Variants in ROBO1 observed in about 807,000 individuals in gnomAD.
The protein encoded by ROBO1 is roundabout guidance receptor 1.
In ROBO1, 149 loss-of-function variants were observed where a neutral mutation model predicts 195.9. The ratio of observed to expected loss-of-function variants is 0.76; its 90% CI spans 0.67 to 0.87. The LOEUF is 0.87. Ranked by LOEUF, ROBO1 falls within the 40% of genes least tolerant of loss-of-function variation. The probability of loss-of-function intolerance (pLI) is 0.00; values close to 1 mark genes in which losing one functional copy is unlikely to be tolerated. For synonymous variants in ROBO1, 816 were observed against 733.2 expected, an observed-to-expected ratio of 1.11 and a Z score of -1.82; for missense variants, 1,933 against 2,068.3, an observed-to-expected ratio of 0.93 and a Z score of 1.27.
At chr3:78,836,658 C>G (rs1186126978) in intron 4 of ROBO1, among the ~76,000 whole-genome samples, 1 of 151,956 alleles carries the variant, frequency 6.6e-6, no homozygotes, top group African/African-American at 2.4e-5. Context: ...AGAACAACAA[C>G]CATTTACTTT....
chr3:78,764,982 AT>A, intron 4 of ROBO1, among the ~76,000 whole-genome samples: 1 of 152,288 alleles, frequency 6.6e-6, no homozygotes, highest in African/African-American at 2.4e-5. Flanking sequence ...TATAGTCGTG[AT>A]TTTGATTCAA....
intron 2 of ROBO1, among the ~76,000 whole-genome samples, chr3:79,297,997 T>A (rs184833505): frequency 1.3e-5 from 2 of 152,274 alleles, no homozygotes; most frequent in Non-Finnish European, 2.9e-5. Flanking sequence ...GAAAGTTCAA[T>A]GTCTGGGACT....
At chr3:79,502,615 C>T (rs1366547613) in intron 2 of ROBO1, among the ~76,000 whole-genome samples, 1 of 152,168 alleles carries the variant, frequency 6.6e-6, no homozygotes, top group African/African-American at 2.4e-5. Flanking sequence ...AGGCGCACAG[C>T]GCGGGACTGG....
chr3:78,633,096 A>G (rs1283801815), intron 24 of ROBO1, among the ~76,000 whole-genome samples: 1 of 152,174 alleles, frequency 6.6e-6, no homozygotes, highest in Non-Finnish European at 1.5e-5. Flanking sequence ...TTCATTACAG[A>G]AGAAGGGTGG....
intron 2 of ROBO1, among the ~76,000 whole-genome samples, chr3:79,583,504 A>G (rs1188091799): frequency 2.0e-5 from 3 of 151,920 alleles, no homozygotes; most frequent in Non-Finnish European, 2.9e-5. Context: ...AAATATCTGA[A>G]AAAGATATTT....
chr3:79,737,222 T>C (rs1223221344), intron 1 of ROBO1, among the ~76,000 whole-genome samples: 1 of 152,104 alleles, frequency 6.6e-6, no homozygotes, highest in Non-Finnish European at 1.5e-5. Context: ...GATAGAGAAG[T>C]TCAGACAAGC....
chr3:79,469,332 T>C (rs532864750), intron 2 of ROBO1, among the ~76,000 whole-genome samples: 1 of 152,200 alleles, frequency 6.6e-6, no homozygotes, highest in Admixed American at 6.5e-5. Context: ...TAAACTGAAA[T>C]AATGAGAAGT....
At chr3:79,315,083 G>A (rs2033674060) in intron 2 of ROBO1, among the ~76,000 whole-genome samples, 1 of 152,112 alleles carries the variant, frequency 6.6e-6, no homozygotes, top group Non-Finnish European at 1.5e-5. Context: ...TTCTAATCTG[G>A]GAATGATGGA....
chr3:78,691,442 T>TA (rs987798759), intron 8 of ROBO1, among the ~76,000 whole-genome samples: 1 of 152,100 alleles, frequency 6.6e-6, no homozygotes, highest in African/African-American at 2.4e-5. Context: ...TCATACTATT[T>TA]AAAAAAATTC....
chr3:79,496,537 C>G (rs1389806629), intron 2 of ROBO1, among the ~76,000 whole-genome samples: 1 of 147,976 alleles, frequency 6.8e-6, no homozygotes. Flanking sequence ...GCGCCCGCCA[C>G]CGCGCCCGGC....
chr3:79,448,999 G>A (rs2039359365), intron 2 of ROBO1, among the ~76,000 whole-genome samples: 1 of 152,142 alleles, frequency 6.6e-6, no homozygotes, highest in Admixed American at 6.5e-5. Context: ...AAAGGCTGAA[G>A]CAGGAGGATC....
At chr3:78,961,488 T>G (rs1183619423) in intron 3 of ROBO1, among the ~76,000 whole-genome samples, 1 of 152,236 alleles carries the variant, frequency 6.6e-6, no homozygotes, top group African/African-American at 2.4e-5. Flanking sequence ...TTATCTTGAA[T>G]GTCAGGTTAG....
At chr3:79,051,880 C>A (rs2084381) in intron 3 of ROBO1, among the ~76,000 whole-genome samples, 1 of 152,108 alleles carries the variant, frequency 6.6e-6, no homozygotes, top group Non-Finnish European at 1.5e-5. Flanking sequence ...TTCCTATTCC[C>A]GTCTTTACTT....
intron 3 of ROBO1, among the ~76,000 whole-genome samples, chr3:78,943,772 G>C (rs1180239926): frequency 2.6e-5 from 4 of 152,124 alleles, no homozygotes; most frequent in African/African-American, 9.7e-5. Context: ...TTAATAATTT[G>C]AGGAGAATGA....
intron 14 of ROBO1, among the ~76,000 whole-genome samples, chr3:78,663,160 G>C (rs1461291372): frequency 6.6e-6 from 1 of 151,082 alleles, no homozygotes; most frequent in Non-Finnish European, 1.5e-5. Flanking sequence ...ATCTTGGGTA[G>C]AAAGCAAAAG....
At chr3:78,681,949 C>T (rs751268126) in intron 10 of ROBO1, among the ~76,000 whole-genome samples, 1 of 152,080 alleles carries the variant, frequency 6.6e-6, no homozygotes, top group Non-Finnish European at 1.5e-5. Flanking sequence ...GTGAGCAACA[C>T]AGTATTCAGA....
intron 3 of ROBO1, among the ~76,000 whole-genome samples, chr3:79,081,715 G>T (rs1342431315): frequency 6.6e-6 from 1 of 152,124 alleles, no homozygotes. Context: ...AAACTGCCTG[G>T]CTAAAGTTTC....
intron 21 of ROBO1, among the ~76,000 whole-genome samples, chr3:78,644,444 A>G (rs189184898): frequency 1.4e-3 from 206 of 152,258 alleles, no homozygotes; most frequent in African/African-American, 4.6e-3. Context: ...AATTTTGTAT[A>G]TAACTGACAT....
At chr3:78,743,412 C>G (rs1461938139) in intron 5 of ROBO1, among the ~76,000 whole-genome samples, 1 of 152,090 alleles carries the variant, frequency 6.6e-6, no homozygotes, top group East Asian at 1.9e-4. Flanking sequence ...GCCCTTCTAA[C>G]TCTCCTCCTT....
Sources: gnomAD v4.1 joint callset for allele counts (sites outside exome capture counted in the v4.1 genomes callset) on GRCh38, gnomAD v4.1.1 for gene constraint, MANE v1.5 for transcripts, NCBI Gene and HGNC (gene_info 2026-07-23, HGNC 2026-07-21) for gene names.